OTUD7A: variants seen among roughly 807,000 people sequenced by gnomAD.
OTUD7A encodes OTU domain-containing protein 7A.
Under a neutral mutation model 65.7 loss-of-function variants are expected in OTUD7A, and 12 were observed. The observed-to-expected ratio is 0.18, with a 90% CI of 0.12 to 0.30. The LOEUF is 0.30. OTUD7A is among the 10% of genes least tolerant of loss of function. The pLI, the probability that OTUD7A is intolerant of heterozygous loss-of-function variation, is 1.00. For synonymous variants in OTUD7A, 641 were observed against 586.3 expected (o/e 1.09, Z -1.35); for missense variants, 1,148 against 1,304.8 (o/e 0.88, Z 1.85).
chr15:31,475,409 C>T lies in OTUD7A; in HGVS notation c.*7885G>A, dbSNP rs2041002596. On this transcript the variant is annotated 3_prime_UTR_variant, in exon 13 of 13. Transcript: ENST00000307050. ...ATTGGACCAACCAATACTTTACAAA[C>T]ATGTTAATTTTATTGAGTAGGCATC... 1 of 152,080 alleles carries T rather than the reference C, an allele frequency of 6.6e-6. No individual in the cohort carries two copies. The highest frequency in any genetic ancestry group is 1.5e-5 in the Non-Finnish European group (1 of 68,032). The allele number at this position is 152,080 out of a possible 1,614,324, so 9.4% of individuals were successfully genotyped here. A position where few individuals can be genotyped will look rare whatever the true frequency, so the allele number is the denominator to read the frequency against.
At chr15:31,842,666 T>C (rs1219769386) in intron 1 of OTUD7A, among the ~76,000 whole-genome samples, 1 of 152,124 alleles carries the variant, frequency 6.6e-6, no homozygotes, top group African/African-American at 2.4e-5. Context: ...TTCGTGACTC[T>C]CCAAATTTAC....
chr15:31,850,820 C>G (rs1897406825), intron 1 of OTUD7A, among the ~76,000 whole-genome samples: 1 of 152,162 alleles, frequency 6.6e-6, no homozygotes, highest in African/African-American at 2.4e-5. Flanking sequence ...GGAGGCCTGA[C>G]AGAAGCAAAT....
intron 1 of OTUD7A, among the ~76,000 whole-genome samples, chr15:31,834,330 G>C (rs1194600415): frequency 6.6e-6 from 1 of 152,234 alleles, no homozygotes; most frequent in Non-Finnish European, 1.5e-5. Context: ...GCTGTAAAGA[G>C]AGATGGCAGG....
At chr15:31,519,523 GACAAACCC>G (rs1053294575) in intron 8 of OTUD7A, among the ~76,000 whole-genome samples, 2 of 152,190 alleles carry the variant, frequency 1.3e-5, no homozygotes, top group African/African-American at 4.8e-5. Flanking sequence ...GGTCTTCTAT[GACAAACCC>G]ACAGCTAACA....
rs186950292 is a variant in OTUD7A, at chr15:31,710,526, A to G, written c.-99-53449T>C. 1.9e-3 allele frequency among the ~76,000 whole-genome samples: 280 copies of G among 151,086 alleles called. 1 individual carries two copies. The highest frequency in any genetic ancestry group is 0.015 in the East Asian group (76 of 5,150). On this transcript the variant is annotated intron_variant, in intron 1 of 12. Transcript: ENST00000307050. ...CCAGCCCTGCATAGAGGTGCAGAGCAGGACAGCAAGACCTCAGGGCAGGGG... is the reference window on the plus strand; with the variant it reads ...CCAGCCCTGCATAGAGGTGCAGAGCGGGACAGCAAGACCTCAGGGCAGGGG...
At chr15:31,756,694 G>T (rs1894826092) in intron 1 of OTUD7A, among the ~76,000 whole-genome samples, 1 of 150,110 alleles carries the variant, frequency 6.7e-6, no homozygotes, top group Non-Finnish European at 1.5e-5. Flanking sequence ...ACTGCTTTTA[G>T]TAACTCTGAA....
intron 1 of OTUD7A, among the ~76,000 whole-genome samples, chr15:31,819,824 GTTA>G (rs1424425745): frequency 6.6e-6 from 1 of 151,716 alleles, no homozygotes; most frequent in East Asian, 1.9e-4. Context: ...CAGTATATAT[GTTA>G]TTTTTATACG....
intron 1 of OTUD7A, among the ~76,000 whole-genome samples, chr15:31,865,185 TA>T (rs1213349105): frequency 6.6e-6 from 1 of 152,218 alleles, no homozygotes; most frequent in Non-Finnish European, 1.5e-5. Flanking sequence ...TCATACATTT[TA>T]AAAAGAAAAA....
chr15:31,863,239 T>A (rs1349993307), intron 1 of OTUD7A, among the ~76,000 whole-genome samples: 1 of 152,162 alleles, frequency 6.6e-6, no homozygotes, highest in African/African-American at 2.4e-5. Flanking sequence ...AGGTGCACGG[T>A]GCAAAGTGTT....
At chr15:31,768,109 T>C in intron 1 of OTUD7A, 1 of 1,597,580 alleles carries the variant, frequency 6.3e-7, no homozygotes. Flanking sequence ...GTCTGTGTTT[T>C]CTTAGAGGCA....
intron 1 of OTUD7A, chr15:31,767,457 AG>A: frequency 1.3e-6 from 1 of 773,992 alleles, no homozygotes; most frequent in South Asian, 1.3e-5. Flanking sequence ...CCAATTTGCT[AG>A]GCACTTCATG....
chr15:31,832,822 C>A (rs1427445912), intron 1 of OTUD7A, among the ~76,000 whole-genome samples: 1 of 152,160 alleles, frequency 6.6e-6, no homozygotes, highest in Admixed American at 6.5e-5. Context: ...TATGAATATG[C>A]CAGATTTTGC....
chr15:31,747,837 C>A (rs1894520327), intron 1 of OTUD7A, among the ~76,000 whole-genome samples: 1 of 152,178 alleles, frequency 6.6e-6, no homozygotes, highest in Non-Finnish European at 1.5e-5. Context: ...CAAATCAACA[C>A]CATACGCCTT....
chr15:31,503,120 G>A (rs1415401559), intron 9 of OTUD7A, among the ~76,000 whole-genome samples: 1 of 152,134 alleles, frequency 6.6e-6, no homozygotes, highest in African/African-American at 2.4e-5. Context: ...TGGGGAGGGT[G>A]GTGTCCACCC....
chr15:31,789,787 C>A (rs1457138201), intron 1 of OTUD7A, among the ~76,000 whole-genome samples: 2 of 151,486 alleles, frequency 1.3e-5, no homozygotes. Context: ...CTCACTGCAA[C>A]CTCCACCTCC....
At chr15:31,632,720 A>T (rs868637522) in intron 3 of OTUD7A, among the ~76,000 whole-genome samples, 19 of 152,336 alleles carry the variant, frequency 1.2e-4, no homozygotes, top group South Asian at 8.3e-4. Flanking sequence ...CTGCCCCCAG[A>T]GGTGGAGCCT....
intron 1 of OTUD7A, among the ~76,000 whole-genome samples, chr15:31,717,875 T>C (rs1488049148): frequency 6.6e-6 from 1 of 152,242 alleles, no homozygotes; most frequent in Non-Finnish European, 1.5e-5. Context: ...AAAGCGTTCC[T>C]ATTTCTCCAA....
intron 3 of OTUD7A, among the ~76,000 whole-genome samples, chr15:31,572,038 A>G (rs969206484): frequency 6.6e-6 from 1 of 152,122 alleles, no homozygotes; most frequent in Admixed American, 6.5e-5. Flanking sequence ...CCCTCCTTTG[A>G]AGATTAATTC....
chr15:31,534,589 G>A (rs1454127800), intron 5 of OTUD7A, among the ~76,000 whole-genome samples: 1 of 152,144 alleles, frequency 6.6e-6, no homozygotes. Flanking sequence ...ATCTGTATTC[G>A]CAAATCAGAA....
Sources: gnomAD v4.1 joint callset for allele counts (sites outside exome capture counted in the v4.1 genomes callset) on GRCh38, gnomAD v4.1.1 for gene constraint, MANE v1.5 for transcripts, NCBI Gene and HGNC (gene_info 2026-07-23, HGNC 2026-07-21) for gene names.